Variants in DNAJB4 observed in about 807,000 individuals in gnomAD.
DNAJB4 encodes DnaJ heat shock protein family (Hsp40) member B4, also known as dnaJ homolog subfamily B member 4.
Under a neutral mutation model 26.6 loss-of-function variants are expected in DNAJB4, and 10 were observed. That is an observed-to-expected ratio of 0.38 (90% CI 0.23 to 0.64). The LOEUF is 0.64. Among genes scored for constraint, DNAJB4 ranks in the 30% least tolerant of loss-of-function variants. The pLI is 0.58. For synonymous variants in DNAJB4, 136 were observed against 134.8 expected (o/e 1.01, Z -0.06); for missense variants, 328 against 408.2 (o/e 0.80, Z 1.69).
intron 1 of DNAJB4, 127 bp downstream of exon 1, chr1:78,005,448 C>A: frequency 1.3e-6 from 1 of 784,018 alleles, no homozygotes; most frequent in Non-Finnish European, 2.0e-6. Context: ...GATTCTCAGT[C>A]ATATCAAAAG....
chr1:77,998,981 A>G (rs1165330309), intron 1 of DNAJB4, among the ~76,000 whole-genome samples: 1 of 152,218 alleles, frequency 6.6e-6, no homozygotes, highest in Non-Finnish European at 1.5e-5. Context: ...TACTGTAAGT[A>G]TTATGCTCTG....
chr1:78,001,619 A>G (rs2102601892), upstream of DNAJB4, among the ~76,000 whole-genome samples: 1 of 152,246 alleles, frequency 6.6e-6, no homozygotes, highest in East Asian at 1.9e-4. Context: ...GAAGATGAAG[A>G]TGACATCAAC....
At chr1:77,993,558 C>T (rs775850651) in intron 1 of DNAJB4, among the ~76,000 whole-genome samples, 26 of 152,164 alleles carry the variant, frequency 1.7e-4, no homozygotes, top group Non-Finnish European at 3.2e-4. Context: ...TCAATTGATC[C>T]GCCCTCCTTG....
chr1:78,012,159 C>CTTTTTTTTTTTTTTTTTT (rs1270987929), intron 1 of DNAJB4, among the ~76,000 whole-genome samples: 1 of 88,790 alleles, frequency 1.1e-5, no homozygotes, highest in African/African-American at 4.9e-5. Flanking sequence ...CTTTTCTTTT[C>CTTTTTTTTTTTTTTTTTT]TTTTTTTTTT....
At chr1:77,997,139 A>G (rs1475700173) in intron 1 of DNAJB4, among the ~76,000 whole-genome samples, 2 of 152,128 alleles carry the variant, frequency 1.3e-5, no homozygotes, top group African/African-American at 4.8e-5. Flanking sequence ...AAACTATTGA[A>G]TTAGTGCTTT....
intron 1 of DNAJB4, 127 bp downstream of exon 1, chr1:78,005,448 C>G: frequency 1.3e-6 from 1 of 784,022 alleles, no homozygotes. Flanking sequence ...GATTCTCAGT[C>G]ATATCAAAAG....
chr1:78,013,363 G>T lies in DNAJB4; in HGVS notation c.524G>T (p.Cys175Phe). Reference sequence around the variant, plus strand: ...TCACTTGAAGAGATATATAGTGGTTGTACCAAACGGATGAAGATTTCTCGA... The same window carrying T: ...TCACTTGAAGAGATATATAGTGGTTTTACCAAACGGATGAAGATTTCTCGA... ...RVSLEEIYSG[C>F]TKRMKISRKR... The change falls in exon 2 of 3, where the codon TGT becomes TTT. Residue 175 changes from cysteine (C) to phenylalanine (F), a missense_variant. Physicochemically the swap from Cys to Phe is radical, Grantham distance 205. Transcript: ENST00000370763. 6.2e-7 allele frequency: 1 copy of T among 1,614,182 alleles called. No homozygotes were observed. Among genetic ancestry groups the T allele is most frequent in the Non-Finnish European group, 8.5e-7 (1 of 1,180,042 alleles).
At chr1:77,984,402 G>T (rs998074603) in intron 1 of DNAJB4, among the ~76,000 whole-genome samples, 1 of 152,128 alleles carries the variant, frequency 6.6e-6, no homozygotes. Context: ...CTTTTTAGCC[G>T]TACGTGGACC....
rs1179142870 is a variant in DNAJB4 at position 77,981,843 on chromosome 1, ATTTG to A, written c.-32+1526_-32+1529del. On this transcript the variant is annotated intron_variant, in intron 1 of 2. Transcript: ENST00000426517. ...AGGCCTCTTTGAATATTAATGGAGT[ATTTG>A]TTTGGTCACTCCACACATTCATTGC... is the stretch of plus-strand genomic sequence containing the variant. 3.9e-5 allele frequency among the ~76,000 whole-genome samples: 6 copies of A among 152,174 alleles called. No individual in the cohort carries two copies. The South Asian group carries it at 8.3e-4, about 21-fold the overall frequency.
intron 1 of DNAJB4, among the ~76,000 whole-genome samples, chr1:78,009,093 A>G (rs968282224): frequency 6.6e-6 from 1 of 152,108 alleles, no homozygotes; most frequent in Non-Finnish European, 1.5e-5. Flanking sequence ...TAACTTATAT[A>G]TTTAGCTAGC....
rs188705271 is a variant in DNAJB4 at position 77,980,946 on chromosome 1, A to G, written c.-32+624A>G. 2.0e-5 allele frequency among the ~76,000 whole-genome samples: 3 copies of G among 152,202 alleles called. No individual in the cohort carries two copies. The East Asian group carries it at 5.8e-4, about 29-fold the overall frequency. ...ATTTAATCATAATGTATAGAAAAAC[A>G]GTAAAAGCAGTGTTGGGTGTGCGGC... is the stretch of plus-strand genomic sequence containing the variant. On this transcript the variant is annotated intron_variant, in intron 1 of 2. Transcript: ENST00000426517.
chr1:77,984,665 C>T (rs559028929), intron 1 of DNAJB4, among the ~76,000 whole-genome samples: 6 of 152,196 alleles, frequency 3.9e-5, no homozygotes, highest in South Asian at 2.1e-4. Flanking sequence ...TGTCAAGGAC[C>T]GCGTCTTATT....
At position 78,013,063 on chromosome 1, in the gene DNAJB4, G is replaced by T. The variant is rs763665286; in HGVS notation, c.224G>T (p.Gly75Val). The T allele has an allele frequency of 5.0e-6, 8 of 1,606,602 alleles. No individual in the cohort carries two copies. The highest frequency in any genetic ancestry group is 5.9e-6 in the Non-Finnish European group (7 of 1,176,522). Reference protein sequence around the residue: ...DQFGEEGLKGGAGGTDGQGGT... With the variant: ...DQFGEEGLKGVAGGTDGQGGT... ...TCTCTTCAATTAGGGTTGAAAGGAG[G>T]AGCAGGAGGTACTGATGGACAAGGA... Residue 75 changes from glycine to valine, a missense_variant, in exon 2 of 3, where the codon GGA becomes GTA. Gly to Val is a moderately radical substitution (Grantham distance 109, BLOSUM62 -3). Transcript: ENST00000370763.
intron 2 of DNAJB4, among the ~76,000 whole-genome samples, chr1:78,015,450 CTTT>C (rs34355321): frequency 1.0e-4 from 12 of 114,372 alleles, no homozygotes; most frequent in Non-Finnish European, 1.7e-4. Flanking sequence ...TTTTCTTCTT[CTTT>C]TTTTTTTTTT....
At chr1:77,980,339 ATGTGTGTGTGTGTGTGTG>A (rs201096933) in intron 1 of DNAJB4, 10 of 126,072 alleles carry the variant, frequency 7.9e-5, no homozygotes, top group Non-Finnish European at 1.3e-4. Flanking sequence ...ATATATATAT[ATGTGTGTGTGTGTGTGTG>A]TGTGTGTGTG....
intron 1 of DNAJB4, chr1:77,981,335 T>TTG (rs1348374079): frequency 6.6e-6 from 1 of 151,912 alleles, no homozygotes; most frequent in Non-Finnish European, 1.5e-5. Flanking sequence ...TTTTTTTTTT[T>TTG]TGAGACGGAC....
upstream of DNAJB4, among the ~76,000 whole-genome samples, chr1:78,003,624 G>A (rs1019491297): frequency 1.3e-5 from 2 of 152,030 alleles, no homozygotes; most frequent in African/African-American, 4.8e-5. Flanking sequence ...TGGACTGTGT[G>A]CAATTCTTCT....
intron 1 of DNAJB4, among the ~76,000 whole-genome samples, chr1:77,986,502 T>G (rs72685370): frequency 0.027 from 4,121 of 152,338 alleles, 98 homozygotes; most frequent in South Asian, 0.11. Context: ...CTGGCTTTCC[T>G]TCTTTGCCAT....
intron 1 of DNAJB4, among the ~76,000 whole-genome samples, chr1:77,998,421 C>T (rs1247971835): frequency 1.3e-5 from 2 of 152,012 alleles, no homozygotes. Context: ...AGGTAAGGGG[C>T]GTGGGAGAGT....
Sources: allele counts gnomAD v4.1 joint callset (sites outside exome capture counted in the v4.1 genomes callset), GRCh38; gene constraint gnomAD v4.1.1; transcripts MANE v1.5; gene names NCBI Gene and HGNC (gene_info 2026-07-23, HGNC 2026-07-21).